Variants in CWC27 observed in about 807,000 individuals in gnomAD.
CWC27 encodes CWC27 spliceosome associated cyclophilin, also known as spliceosome-associated protein CWC27 homolog.
CWC27 carries 47 observed loss-of-function variants against 63.6 expected under a neutral mutation model. The observed-to-expected ratio is 0.74, with a 90% CI of 0.58 to 0.94. The LOEUF (loss-of-function observed/expected upper bound fraction) is 0.94, where lower values mean the gene tolerates loss of function less well. CWC27 is among the 40% of genes least tolerant of loss of function. The pLI is 0.00. For missense variants in CWC27, 495 were observed against 554.3 expected, an observed-to-expected ratio of 0.89 and a Z score of 1.07; for synonymous variants, 175 against 179.8, an observed-to-expected ratio of 0.97 and a Z score of 0.22.
intron 10 of CWC27, among the ~76,000 whole-genome samples, chr5:64,853,414 TC>T (rs1746182813): frequency 6.6e-6 from 1 of 152,152 alleles, no homozygotes; most frequent in African/African-American, 2.4e-5. Context: ...AATCTTCTTG[TC>T]CCCCCTTCAT....
At chr5:64,982,246 AC>A (rs2112451092) in intron 13 of CWC27, among the ~76,000 whole-genome samples, 1 of 152,292 alleles carries the variant, frequency 6.6e-6, no homozygotes, top group East Asian at 1.9e-4. Flanking sequence ...AGCTTTCAAT[AC>A]CTTTTATATG....
At chr5:65,004,764 T>C (rs1019306309) in intron 13 of CWC27, among the ~76,000 whole-genome samples, 2 of 149,884 alleles carry the variant, frequency 1.3e-5, no homozygotes, top group East Asian at 3.9e-4. Flanking sequence ...TCTTGCTTTT[T>C]CATGTTTCTT....
At chr5:64,977,502 C>A (rs189900071) in intron 13 of CWC27, among the ~76,000 whole-genome samples, 1 of 152,306 alleles carries the variant, frequency 6.6e-6, no homozygotes, top group Admixed American at 6.5e-5. Flanking sequence ...AAATATATGA[C>A]ACTATCCCAG....
chr5:64,816,729 A>G (rs575732781), intron 10 of CWC27, among the ~76,000 whole-genome samples: 20 of 152,302 alleles, frequency 1.3e-4, no homozygotes, highest in Admixed American at 1.3e-4. Flanking sequence ...GGTAGAACCC[A>G]AAATGATACA....
At chr5:64,964,371 A>G (rs1433609) in intron 11 of CWC27, among the ~76,000 whole-genome samples, 69,296 of 152,016 alleles carry the variant, frequency 0.46, 15,971 homozygotes, top group African/African-American at 0.5. Context: ...GCTTTTGGGA[A>G]ATTCTAAGTA....
chr5:64,941,722 C>T lies in CWC27; in HGVS notation c.1043-29981C>T, dbSNP rs1008345148. ...TTAAATGAGATTGGACGTTAAATTG[C>T]TAAATGTAAAATCTTACACTTGTGA... On this transcript the variant is annotated intron_variant, in intron 11 of 13. Transcript: ENST00000381070. Among the ~76,000 whole-genome samples, 13 of 151,954 alleles carry T rather than the reference C, an allele frequency of 8.6e-5. No homozygotes were observed. The East Asian group carries it at 2.5e-3, about 29-fold the overall frequency.
At chr5:64,814,835 T>G (rs954736228) in intron 10 of CWC27, among the ~76,000 whole-genome samples, 1 of 152,176 alleles carries the variant, frequency 6.6e-6, no homozygotes, top group Non-Finnish European at 1.5e-5. Flanking sequence ...ACGAATTAGA[T>G]TATTACACTA....
At chr5:64,786,671 C>T (rs1052628164) in intron 6 of CWC27, 44 bp downstream of exon 6, 9 of 1,168,428 alleles carry the variant, frequency 7.7e-6, no homozygotes, top group Non-Finnish European at 1.1e-5. Context: ...AAAAATGACA[C>T]TCATTCATTT....
chr5:64,811,755 A>T (rs1744885087), intron 10 of CWC27, among the ~76,000 whole-genome samples: 1 of 152,050 alleles, frequency 6.6e-6, no homozygotes. Flanking sequence ...TGAATATGAG[A>T]TATATAACTA....
At chr5:64,871,019 A>G (rs536534911) in intron 10 of CWC27, among the ~76,000 whole-genome samples, 1 of 152,230 alleles carries the variant, frequency 6.6e-6, no homozygotes, top group African/African-American at 2.4e-5. Flanking sequence ...ACATTTAGCA[A>G]TGATACATTT....
intron 1 of CWC27, among the ~76,000 whole-genome samples, chr5:64,772,956 T>G (rs936733988): frequency 4.0e-5 from 6 of 151,194 alleles, no homozygotes; most frequent in Non-Finnish European, 8.8e-5. Flanking sequence ...AAAAGGCACT[T>G]TTTTGGCATT....
At chr5:64,917,193 TC>T (rs1747907046) in intron 11 of CWC27, among the ~76,000 whole-genome samples, 1 of 152,146 alleles carries the variant, frequency 6.6e-6, no homozygotes, top group African/African-American at 2.4e-5. Context: ...GTCCAGCTCT[TC>T]CCCTGCATTT....
In CWC27 at chr5:64,927,300, A is replaced by G. The variant is rs370674885; in HGVS notation, c.1042+41754A>G. On this transcript the variant is annotated intron_variant, in intron 11 of 13. Coordinates refer to ENST00000381070, the MANE Select transcript of CWC27 (RefSeq NM_005869.4). ...TTACATTACTAAACTCTCAAAGCTG[A>G]ATAAATTCCACTATAGATGGTGACG... Among the ~76,000 whole-genome samples the G allele has an allele frequency of 4.5e-4, 69 of 152,346 alleles. 1 individual carries two copies. Among genetic ancestry groups the G allele is most frequent in the African/African-American group, 1.6e-3 (67 of 41,582 alleles).
intron 11 of CWC27, among the ~76,000 whole-genome samples, chr5:64,952,163 A>G (rs1344763982): frequency 6.6e-6 from 1 of 151,996 alleles, no homozygotes; most frequent in African/African-American, 2.4e-5. Flanking sequence ...ATAATACCTA[A>G]TGTAATGTAA....
At chr5:65,017,235 C>T (rs1318928784) in intron 13 of CWC27, among the ~76,000 whole-genome samples, 1 of 152,030 alleles carries the variant, frequency 6.6e-6, no homozygotes, top group Non-Finnish European at 1.5e-5. Flanking sequence ...GCAGGAGAAT[C>T]GCTTGAACCC....
chr5:64,871,624 T>G (rs1211045535), intron 10 of CWC27, among the ~76,000 whole-genome samples: 3 of 152,082 alleles, frequency 2.0e-5, no homozygotes, highest in Non-Finnish European at 4.4e-5. Context: ...ACTTTGAGAA[T>G]TAAGGGTCAC....
At chr5:64,927,624 T>C (rs897827351) in intron 11 of CWC27, among the ~76,000 whole-genome samples, 1 of 152,182 alleles carries the variant, frequency 6.6e-6, no homozygotes, top group Non-Finnish European at 1.5e-5. Context: ...CTCCTTCTTT[T>C]GCAAAAGTCT....
chr5:64,845,667 G>C (rs1349634300), intron 10 of CWC27, among the ~76,000 whole-genome samples: 1 of 152,304 alleles, frequency 6.6e-6, no homozygotes, highest in African/African-American at 2.4e-5. Context: ...GACAGCATTT[G>C]ATATTATCCA....
At chr5:64,779,157 C>T (rs1483155530) in intron 2 of CWC27, among the ~76,000 whole-genome samples, 2 of 152,050 alleles carry the variant, frequency 1.3e-5, no homozygotes, top group Non-Finnish European at 2.9e-5. Context: ...TAATAGAAGA[C>T]CCAACTCAAA....
Sources: allele counts gnomAD v4.1 joint callset (sites outside exome capture counted in the v4.1 genomes callset), GRCh38; gene constraint gnomAD v4.1.1; transcripts MANE v1.5; gene names NCBI Gene and HGNC (gene_info 2026-07-23, HGNC 2026-07-21).